ERC2: variants seen among roughly 807,000 people sequenced by gnomAD.
ERC2 encodes the protein ELKS/RAB6-interacting/CAST family member 2.
Under a neutral mutation model 114.8 loss-of-function variants are expected in ERC2, and 42 were observed. The ratio of observed to expected loss-of-function variants is 0.37; its 90% confidence interval spans 0.29 to 0.47. The LOEUF (loss-of-function observed/expected upper bound fraction) is 0.47. ERC2 is among the 20% of genes least tolerant of loss of function. The pLI, the probability that ERC2 is intolerant of heterozygous loss-of-function variation, is 0.99. For synonymous variants in ERC2, 454 were observed against 425.5 expected (o/e 1.07, Z -0.82); for missense variants, 939 against 1,150.7 (o/e 0.82, Z 2.66).
chr3:56,140,745 A>T (rs947773374), intron 5 of ERC2, among the ~76,000 whole-genome samples: 6 of 152,172 alleles, frequency 3.9e-5, no homozygotes, highest in Non-Finnish European at 5.9e-5. Flanking sequence ...ACTAGATAAA[A>T]CAAAAATGTA....
At chr3:55,989,317 T>C (rs1451130717) in intron 11 of ERC2, among the ~76,000 whole-genome samples, 1 of 152,236 alleles carries the variant, frequency 6.6e-6, no homozygotes, top group Non-Finnish European at 1.5e-5. Context: ...TTAAAGGCAA[T>C]AGTGTCCAGC....
intron 14 of ERC2, among the ~76,000 whole-genome samples, chr3:55,830,623 G>A (rs1255253837): frequency 6.6e-6 from 1 of 152,154 alleles, no homozygotes; most frequent in African/African-American, 2.4e-5. Context: ...TTAGGTACCT[G>A]TATAGTAATC....
At chr3:56,040,120 A>G (rs1171241810) in intron 7 of ERC2, among the ~76,000 whole-genome samples, 1 of 152,186 alleles carries the variant, frequency 6.6e-6, no homozygotes, top group African/African-American at 2.4e-5. Context: ...CAAAACGGGT[A>G]GCAAAGGAAA....
chr3:55,895,378 G>C (rs1258267463), intron 13 of ERC2, among the ~76,000 whole-genome samples: 1 of 152,110 alleles, frequency 6.6e-6, no homozygotes, highest in East Asian at 1.9e-4. Flanking sequence ...ACCTCTCTAA[G>C]CCTACAGATC....
At chr3:56,142,766 C>T (rs1198926954) in intron 5 of ERC2, among the ~76,000 whole-genome samples, 2 of 150,682 alleles carry the variant, frequency 1.3e-5, no homozygotes, top group Non-Finnish European at 2.9e-5. Context: ...TTTCTACTGG[C>T]TGTCATTTAT....
intron 6 of ERC2, among the ~76,000 whole-genome samples, chr3:56,105,196 C>A (rs1176106216): frequency 1.3e-5 from 2 of 152,030 alleles, no homozygotes; most frequent in East Asian, 1.9e-4. Context: ...GGCTAGGAGA[C>A]AAGGTCACAA....
At chr3:55,840,636 A>G (rs1335938272) in intron 14 of ERC2, among the ~76,000 whole-genome samples, 3 of 152,086 alleles carry the variant, frequency 2.0e-5, no homozygotes, top group Non-Finnish European at 4.4e-5. Flanking sequence ...AGGTATTTAC[A>G]CAAAAGTAAA....
intron 6 of ERC2, among the ~76,000 whole-genome samples, chr3:56,087,894 TAC>T (rs2077588500): frequency 6.6e-6 from 1 of 152,188 alleles, no homozygotes; most frequent in Non-Finnish European, 1.5e-5. Context: ...ACGCATAATG[TAC>T]ACAGTCTCCA....
At chr3:55,772,533 G>C (rs549803102) in intron 14 of ERC2, among the ~76,000 whole-genome samples, 1 of 152,332 alleles carries the variant, frequency 6.6e-6, no homozygotes, top group South Asian at 2.1e-4. Flanking sequence ...AGCCAGGATG[G>C]TCTCGATCTC....
intron 1 of ERC2, among the ~76,000 whole-genome samples, chr3:56,467,308 G>A (rs192271454): frequency 1.1e-3 from 170 of 152,256 alleles, no homozygotes; most frequent in African/African-American, 3.7e-3. Flanking sequence ...AATCACAGAG[G>A]GAACCGACAA....
At chr3:56,286,413 T>TAA (rs2054711280) in intron 3 of ERC2, among the ~76,000 whole-genome samples, 1 of 16,554 alleles carries the variant, frequency 6.0e-5, no homozygotes, top group Non-Finnish European at 1.2e-4. Context: ...AAACTCCATC[T>TAA]CAAAAAAAAA....
At chr3:55,592,374 C>CT (rs1447475280) in intron 17 of ERC2, among the ~76,000 whole-genome samples, 2 of 152,148 alleles carry the variant, frequency 1.3e-5, no homozygotes, top group Admixed American at 6.6e-5. Context: ...TCAGCCTTTA[C>CT]TGATGCTTGT....
chr3:55,551,754 T>C (rs1339732522), intron 17 of ERC2, among the ~76,000 whole-genome samples: 1 of 152,086 alleles, frequency 6.6e-6, no homozygotes, highest in Non-Finnish European at 1.5e-5. Flanking sequence ...TTACTCAAAG[T>C]CCTCCGATTT....
chr3:55,576,032 TG>T (rs1465387159), intron 17 of ERC2, among the ~76,000 whole-genome samples: 2 of 152,174 alleles, frequency 1.3e-5, no homozygotes. Context: ...CAAAATAGGT[TG>T]GGTACGGTGG....
rs569194073 is a variant in ERC2 at position 56,059,885 on chromosome 3, T to C, written c.1641+20932A>G. On this transcript the variant is annotated intron_variant, in intron 7 of 17. Transcript: ENST00000288221. ...AACATGCAGATTCTGAGCTGTCCAG[T>C]AGAGGTTATATTGACTTTCCCTCTG... Among the ~76,000 whole-genome samples the C allele has an allele frequency of 4.4e-4, 67 of 152,294 alleles. 2 individuals carry two copies. The South Asian group carries it at 0.013, about 29-fold the overall frequency.
At chr3:56,001,971 G>A (rs1472134602) in intron 10 of ERC2, among the ~76,000 whole-genome samples, 1 of 152,016 alleles carries the variant, frequency 6.6e-6, no homozygotes, top group East Asian at 1.9e-4. Flanking sequence ...TCCTGAGCCT[G>A]CTTATTAGCA....
At chr3:55,600,359 GA>G (rs2058342820) in intron 17 of ERC2, among the ~76,000 whole-genome samples, 1 of 152,086 alleles carries the variant, frequency 6.6e-6, no homozygotes, top group African/African-American at 2.4e-5. Flanking sequence ...TTGATGTAAA[GA>G]AAAAACAATC....
At chr3:56,216,390 T>C (rs1405673301) in intron 3 of ERC2, among the ~76,000 whole-genome samples, 1 of 152,190 alleles carries the variant, frequency 6.6e-6, no homozygotes, top group Non-Finnish European at 1.5e-5. Flanking sequence ...CTAGAAAATC[T>C]AGAAGAAATG....
In ERC2 at chr3:56,045,051, T is replaced by A. The variant is rs145962399; in HGVS notation, c.1642-26020A>T. 2.6e-5 allele frequency among the ~76,000 whole-genome samples: 4 copies of A among 152,270 alleles called. No homozygotes were observed. In the East Asian group the frequency reaches 7.7e-4, roughly 29 times the overall value. On this transcript the variant is annotated intron_variant, in intron 7 of 17. Coordinates refer to ENST00000288221, the MANE Select transcript of ERC2 (RefSeq NM_015576.3). ...TAGTTCTAGTGGATATAGAACGTAT[T>A]TTATGGTAGATTAGAAAAATATACT...
Sources: gnomAD v4.1 joint callset for allele counts (sites outside exome capture counted in the v4.1 genomes callset) on GRCh38, gnomAD v4.1.1 for gene constraint, MANE v1.5 for transcripts, NCBI Gene and HGNC (gene_info 2026-07-23, HGNC 2026-07-21) for gene names.